Variants in PLXDC2 observed in about 807,000 individuals in gnomAD.
PLXDC2 encodes the protein plexin domain containing 2.
Under a neutral mutation model 68.9 loss-of-function variants are expected in PLXDC2, and 40 were observed. The ratio of observed to expected loss-of-function variants is 0.58; its 90% confidence interval spans 0.45 to 0.76. The LOEUF (loss-of-function observed/expected upper bound fraction) is 0.76, where lower values mean the gene tolerates loss of function less well. Among genes scored for constraint, PLXDC2 ranks in the 30% least tolerant of loss-of-function variants. The pLI, the probability that PLXDC2 is intolerant of heterozygous loss-of-function variation, is 0.00. For synonymous variants in PLXDC2, 243 were observed against 234.2 expected, an observed-to-expected ratio of 1.04 and a Z score of -0.34; for missense variants, 644 against 661.9, an observed-to-expected ratio of 0.97 and a Z score of 0.30.
intron 12 of PLXDC2, among the ~76,000 whole-genome samples, chr10:20,240,184 G>A (rs778209646): frequency 2.6e-5 from 4 of 152,122 alleles, no homozygotes; most frequent in Non-Finnish European, 5.9e-5. Context: ...TAGGGTATTT[G>A]GCTTTCTGGT....
chr10:20,061,235 T>C (rs953114494), intron 3 of PLXDC2, among the ~76,000 whole-genome samples: 1 of 152,216 alleles, frequency 6.6e-6, no homozygotes, highest in African/African-American at 2.4e-5. Flanking sequence ...CTAGGACCCA[T>C]ATAGCATTTA....
intron 2 of PLXDC2, among the ~76,000 whole-genome samples, chr10:20,043,074 A>C (rs966108792): frequency 2.6e-5 from 4 of 152,200 alleles, no homozygotes; most frequent in Admixed American, 6.5e-5. Flanking sequence ...ACTCCTAAAA[A>C]AGGATAAGAC....
intron 1 of PLXDC2, among the ~76,000 whole-genome samples, chr10:19,847,907 C>G (rs896907348): frequency 6.6e-6 from 1 of 152,154 alleles, no homozygotes; most frequent in Admixed American, 6.6e-5. Flanking sequence ...TGTTTAACTC[C>G]TAAATCTGTG....
chr10:19,863,473 C>A (rs1315862509), intron 1 of PLXDC2, among the ~76,000 whole-genome samples: 1 of 152,142 alleles, frequency 6.6e-6, no homozygotes, highest in Non-Finnish European at 1.5e-5. Flanking sequence ...GTATATTAGA[C>A]AGAACATCCT....
At position 19,894,952 on chromosome 10, in the gene PLXDC2, G is replaced by A. The variant is rs148491539; in HGVS notation, c.112+77761G>A. 5.9e-3 allele frequency among the ~76,000 whole-genome samples: 896 copies of A among 152,186 alleles called. 7 individuals carry two copies. Among genetic ancestry groups the A allele is most frequent in the African/African-American group, 0.021 (861 of 41,542 alleles). On this transcript the variant is annotated intron_variant, in intron 1 of 13. Transcript: ENST00000377252. ...GTGTATACCCAAAGGATTATAAATC[G>A]TTCTACTATAAAGACACATGCACAC...
At chr10:20,016,424 A>G (rs895668251) in intron 2 of PLXDC2, among the ~76,000 whole-genome samples, 4 of 152,216 alleles carry the variant, frequency 2.6e-5, no homozygotes, top group Admixed American at 6.5e-5. Context: ...TTACTTGACC[A>G]TTTCCACACT....
intron 9 of PLXDC2, among the ~76,000 whole-genome samples, chr10:20,185,152 A>G (rs2131833334): frequency 7.3e-6 from 1 of 137,474 alleles, no homozygotes; most frequent in Non-Finnish European, 1.6e-5. Flanking sequence ...ACATCCCAGA[A>G]CTGAAAGGAA....
At chr10:19,935,420 T>C (rs1833706748) in intron 1 of PLXDC2, among the ~76,000 whole-genome samples, 1 of 152,164 alleles carries the variant, frequency 6.6e-6, no homozygotes, top group East Asian at 1.9e-4. Context: ...CAAGGATGCA[T>C]GAGCTCCAGC....
At chr10:20,028,196 T>A (rs1397480037) in intron 2 of PLXDC2, among the ~76,000 whole-genome samples, 1 of 152,224 alleles carries the variant, frequency 6.6e-6, no homozygotes, top group African/African-American at 2.4e-5. Context: ...CACGTTGGGA[T>A]CACACTCTGC....
At chr10:20,252,839 C>A (rs1394383814) in intron 13 of PLXDC2, among the ~76,000 whole-genome samples, 1 of 152,130 alleles carries the variant, frequency 6.6e-6, no homozygotes, top group African/African-American at 2.4e-5. Context: ...GAGGCAGTCA[C>A]CATAAAATAT....
intron 1 of PLXDC2, among the ~76,000 whole-genome samples, chr10:19,896,849 G>A (rs955638615): frequency 6.6e-6 from 1 of 152,144 alleles, no homozygotes; most frequent in African/African-American, 2.4e-5. Flanking sequence ...TCTTTCCTGA[G>A]CATTTTGTTA....
intron 1 of PLXDC2, among the ~76,000 whole-genome samples, chr10:19,832,063 C>T (rs2481938): frequency 0.27 from 41,437 of 151,998 alleles, 6,424 homozygotes; most frequent in East Asian, 0.48. Flanking sequence ...ATGGGTTTTT[C>T]GTTTATTCAT....
intron 1 of PLXDC2, among the ~76,000 whole-genome samples, chr10:19,944,380 T>C (rs1833867299): frequency 6.6e-6 from 1 of 151,774 alleles, no homozygotes; most frequent in Non-Finnish European, 1.5e-5. Flanking sequence ...TATGTTTCCT[T>C]GTCTGTTAAC....
chr10:19,863,922 TTATC>T (rs1443720726), intron 1 of PLXDC2, among the ~76,000 whole-genome samples: 3 of 152,186 alleles, frequency 2.0e-5, no homozygotes, highest in African/African-American at 7.2e-5. Context: ...TTAAAGCTAA[TTATC>T]TATGTATAAT....
intron 1 of PLXDC2, among the ~76,000 whole-genome samples, chr10:19,994,312 A>ATTTTTTT (rs869124443): frequency 2.9e-5 from 1 of 34,326 alleles, no homozygotes; most frequent in Non-Finnish European, 4.9e-5. Flanking sequence ...ACATGATTAA[A>ATTTTTTT]TTTTTTTTTT....
chr10:20,100,850 G>A (rs1467244695), intron 4 of PLXDC2, among the ~76,000 whole-genome samples: 1 of 151,512 alleles, frequency 6.6e-6, no homozygotes, highest in East Asian at 1.9e-4. Flanking sequence ...TGCATACTAT[G>A]TATTAGCAGC....
intron 13 of PLXDC2, among the ~76,000 whole-genome samples, chr10:20,260,305 C>T (rs1308011813): frequency 4.6e-5 from 7 of 152,190 alleles, no homozygotes; most frequent in South Asian, 2.1e-4. Flanking sequence ...ACTTATTTGT[C>T]GTACATAACT....
intron 3 of PLXDC2, among the ~76,000 whole-genome samples, chr10:20,048,001 A>T (rs554597946): frequency 5.3e-5 from 8 of 152,236 alleles, no homozygotes; most frequent in African/African-American, 1.7e-4. Context: ...CCTGGGTAAC[A>T]GTGGTGATAG....
chr10:20,048,634 G>C (rs1457306439), intron 3 of PLXDC2, among the ~76,000 whole-genome samples: 1 of 152,128 alleles, frequency 6.6e-6, no homozygotes, highest in African/African-American at 2.4e-5. Context: ...ACGTGGCCTA[G>C]TCCTAGTGTC....
Sources: allele counts gnomAD v4.1 joint callset (sites outside exome capture counted in the v4.1 genomes callset), GRCh38; gene constraint gnomAD v4.1.1; transcripts MANE v1.5; gene names NCBI Gene and HGNC (gene_info 2026-07-23, HGNC 2026-07-21).